The following CHD9 variants were observed in gnomAD, a reference collection of about 807,000 sequenced individuals.
CHD9 encodes the protein ATP-dependent chromatin remodeler CHD9.
A neutral mutation model predicts 316.1 loss-of-function variants in CHD9; 77 were observed. That is an observed-to-expected ratio of 0.24 (90% CI 0.20 to 0.29). CHD9 has a LOEUF of 0.29. Among genes scored for constraint, CHD9 ranks in the 10% least tolerant of loss-of-function variants. The pLI is 1.00. For missense variants in CHD9, 2,763 were observed against 3,438.1 expected, an observed-to-expected ratio of 0.80 and a Z score of 4.91; for synonymous variants, 1,129 against 1,158.3, an observed-to-expected ratio of 0.97 and a Z score of 0.51.
chr16:53,070,002 T>G (rs141341445), intron 1 of CHD9, among the ~76,000 whole-genome samples: 1 of 152,208 alleles, frequency 6.6e-6, no homozygotes, highest in Non-Finnish European at 1.5e-5. Flanking sequence ...TTCTAATGAT[T>G]AGTGATGTTG....
At chr16:53,066,770 C>T (rs1312450715) in intron 1 of CHD9, among the ~76,000 whole-genome samples, 2 of 152,190 alleles carry the variant, frequency 1.3e-5, no homozygotes, top group African/African-American at 4.8e-5. Flanking sequence ...TCATCATTCA[C>T]AAGTCCATTA....
At chr16:53,266,038 G>A (rs2051650117) in intron 20 of CHD9, among the ~76,000 whole-genome samples, 1 of 151,036 alleles carries the variant, frequency 6.6e-6, no homozygotes, top group Non-Finnish European at 1.5e-5. Context: ...CTTTCTTACG[G>A]AAGAATTCCA....
intron 1 of CHD9, among the ~76,000 whole-genome samples, chr16:53,067,998 G>T (rs1397060814): frequency 6.6e-6 from 1 of 152,164 alleles, no homozygotes; most frequent in African/African-American, 2.4e-5. Context: ...GGTCAAGTCT[G>T]CAGTGAGCTA....
At chr16:53,144,381 A>G (rs1457159285) in intron 1 of CHD9, among the ~76,000 whole-genome samples, 1 of 152,210 alleles carries the variant, frequency 6.6e-6, no homozygotes, top group African/African-American at 2.4e-5. Context: ...ACCAGAGATT[A>G]GAATTTTGGT....
intron 7 of CHD9, among the ~76,000 whole-genome samples, chr16:53,228,637 G>A (rs1028605842): frequency 2.1e-5 from 3 of 144,994 alleles, no homozygotes; most frequent in Non-Finnish European, 4.5e-5. Context: ...AAGCTCGAAA[G>A]CGTTTTAAAT....
At chr16:53,317,163 C>CAAAAAAA (rs537619212) in intron 36 of CHD9, among the ~76,000 whole-genome samples, 15 of 81,726 alleles carry the variant, frequency 1.8e-4, no homozygotes, top group Non-Finnish European at 2.6e-4. Context: ...AACTCCATCT[C>CAAAAAAA]AAAAAAAAAA....
At chr16:53,118,910 AC>A (rs1403000455) in intron 1 of CHD9, among the ~76,000 whole-genome samples, 2 of 147,624 alleles carry the variant, frequency 1.4e-5, no homozygotes, top group African/African-American at 5.0e-5. Context: ...CTCCTGCCTC[AC>A]CCTCCCGCGT....
At chr16:53,167,878 G>T (rs1017150086) in intron 2 of CHD9, among the ~76,000 whole-genome samples, 25 of 151,820 alleles carry the variant, frequency 1.6e-4, no homozygotes, top group Non-Finnish European at 3.2e-4. Flanking sequence ...TTAAAAAAAG[G>T]GTTATTGGTC....
At chr16:53,113,808 C>T (rs1215905526) in intron 1 of CHD9, among the ~76,000 whole-genome samples, 2 of 152,072 alleles carry the variant, frequency 1.3e-5, no homozygotes, top group East Asian at 3.9e-4. Context: ...TAGGCGTAAG[C>T]GATTCTCTCA....
chr16:53,156,469 A>T lies in CHD9; in HGVS notation c.380A>T (p.His127Leu), dbSNP rs757995487. Residue 127 changes from histidine to leucine, a missense_variant, in exon 2 of 39, where the codon CAT becomes CTT. His to Leu is a moderately conservative substitution (Grantham distance 99, BLOSUM62 -3). Transcript: ENST00000447540. The part of the protein sequence containing the change: ...DVSDGSPMWG[H>L]QTATTISNQN... ...TCAGATGGCAGTCCAATGTGGGGCCATCAGACAGCTACTACCATTTCAAAT... is the reference window on the plus strand; with the variant it reads ...TCAGATGGCAGTCCAATGTGGGGCCTTCAGACAGCTACTACCATTTCAAAT... 1 of 1,614,022 alleles carries T rather than the reference A, an allele frequency of 6.2e-7. No individual in the cohort carries two copies. The highest frequency in any genetic ancestry group is 8.5e-7 in the Non-Finnish European group (1 of 1,179,890).
chr16:53,146,419 G>GTATATATATATATA lies in CHD9; in HGVS notation c.-164-9502_-164-9489dup, dbSNP rs757165644. On this transcript the variant is annotated intron_variant, in intron 1 of 38. Coordinates refer to ENST00000447540, the MANE Select transcript of CHD9 (RefSeq NM_001308319.2). ...AAAAAAAAATTGTGTGTGTGTGTAT[G>GTATATATATATATA]TATATATATATATATATAATTAAAA... 2.7e-3 allele frequency among the ~76,000 whole-genome samples: 209 copies of GTATATATATATATA among 76,682 alleles called. 11 individuals are homozygous for GTATATATATATATA. Among genetic ancestry groups the GTATATATATATATA allele is most frequent in the South Asian group, 0.011 (30 of 2,618 alleles). 50.3% of individuals were successfully genotyped at this position (76,682 alleles called of 152,430 possible). A position where few individuals can be genotyped will look rare whatever the true frequency, so the allele number is the denominator to read the frequency against.
chr16:53,104,233 A>AC (rs2037131307), intron 1 of CHD9, among the ~76,000 whole-genome samples: 1 of 152,242 alleles, frequency 6.6e-6, no homozygotes. Context: ...ATTTTCAGTT[A>AC]AAGAATGTTG....
At chr16:53,176,440 C>G (rs1396532392) in intron 2 of CHD9, among the ~76,000 whole-genome samples, 2 of 152,180 alleles carry the variant, frequency 1.3e-5, no homozygotes, top group Admixed American at 1.3e-4. Context: ...CAATCTGCAA[C>G]TTGAATTATT....
chr16:53,070,740 A>G (rs1448822212), intron 1 of CHD9, among the ~76,000 whole-genome samples: 2 of 152,108 alleles, frequency 1.3e-5, no homozygotes, highest in East Asian at 3.9e-4. Context: ...TTTTAGTAGA[A>G]ACAAGATTTC....
intron 1 of CHD9, among the ~76,000 whole-genome samples, chr16:53,154,765 C>T (rs1185394388): frequency 2.0e-5 from 3 of 152,170 alleles, no homozygotes; most frequent in Admixed American, 6.5e-5. Context: ...CATCTCCTGC[C>T]GTGCAGCCTG....
intron 38 of CHD9, among the ~76,000 whole-genome samples, chr16:53,323,618 T>C (rs1173421447): frequency 6.6e-6 from 1 of 152,212 alleles, no homozygotes; most frequent in African/African-American, 2.4e-5. Flanking sequence ...CCTTTAATAT[T>C]CCTTCTTTAT....
intron 15 of CHD9, among the ~76,000 whole-genome samples, chr16:53,246,340 C>A (rs1286362820): frequency 6.6e-6 from 1 of 152,256 alleles, no homozygotes; most frequent in Admixed American, 6.5e-5. Context: ...CAACTGAAGT[C>A]TCTTGTAGTT....
chr16:53,156,811 TC>T lies in CHD9; in HGVS notation c.724del (p.His242ThrfsTer18). The part of the protein sequence containing the change: ...FSQTSNPSAH[F>X]HKCSSHQEGN... ...CAAACGTCAAATCCTTCAGCACACT[TC>T]CACAAGTGTAGCAGTCATCAAGAAG... On this transcript the variant is annotated frameshift_variant, in exon 2 of 39. Coordinates refer to ENST00000447540, the MANE Select transcript of CHD9 (RefSeq NM_001308319.2). LOFTEE classifies it high-confidence loss of function. 1 of 1,613,844 alleles carries T rather than the reference TC, an allele frequency of 6.2e-7. No individual in the cohort carries two copies. Among genetic ancestry groups the T allele is most frequent in the Non-Finnish European group, 8.5e-7 (1 of 1,179,876 alleles).
At position 53,156,970 on chromosome 16, in the gene CHD9, C is replaced by G. The variant is rs753490752; in HGVS notation, c.881C>G (p.Ala294Gly). 6.2e-7 allele frequency: 1 copy of G among 1,612,714 alleles called. No individual in the cohort carries two copies. The highest frequency in any genetic ancestry group is 8.5e-7 in the Non-Finnish European group (1 of 1,179,104). The change falls in exon 2 of 39, where the codon GCA (alanine) becomes GGA (glycine). Residue 294 changes from alanine to glycine, a missense_variant. By Grantham distance (60) the Ala-to-Gly change is moderately conservative. Coordinates refer to ENST00000447540, the MANE Select transcript of CHD9 (RefSeq NM_001308319.2). The part of the protein sequence containing the change: ...NSLLQSSAVL[A>G]SNHTNQTLSD... ...CTACTTCAGTCCTCTGCAGTTCTTGCATCTAATCATACAAATCAGACTTTA... is the reference window on the plus strand; with the variant it reads ...CTACTTCAGTCCTCTGCAGTTCTTGGATCTAATCATACAAATCAGACTTTA...
Sources: allele counts gnomAD v4.1 joint callset (sites outside exome capture counted in the v4.1 genomes callset), GRCh38; gene constraint gnomAD v4.1.1; transcripts MANE v1.5; gene names NCBI Gene and HGNC (gene_info 2026-07-23, HGNC 2026-07-21).